The following DCST2 variants were observed in gnomAD, a reference collection of about 807,000 sequenced individuals.
The protein encoded by DCST2 is DC-STAMP domain-containing protein 2.
DCST2 carries 64 observed loss-of-function variants against 81.8 expected under a neutral mutation model. The observed-to-expected ratio is 0.78, with a 90% CI of 0.64 to 0.96. The LOEUF is 0.96. Ranked by LOEUF, DCST2 falls within the 40% of genes least tolerant of loss-of-function variation. DCST2 has a pLI of 0.00. For synonymous variants in DCST2, 354 were observed against 402.6 expected (o/e 0.88, Z 1.44); for missense variants, 945 against 1,001.4 (o/e 0.94, Z 0.76).
At chr1:155,031,055 T>G (rs2102344297) in intron 5 of DCST2, 114 bp downstream of exon 5, 1 of 1,163,342 alleles carries the variant, frequency 8.6e-7, no homozygotes, top group East Asian at 2.5e-5. Context: ...CCCCTTTCTT[T>G]CTCTTACATT....
chr1:155,021,267 C>T (rs934167896), intron 14 of DCST2, among the ~76,000 whole-genome samples: 2 of 152,066 alleles, frequency 1.3e-5, no homozygotes, highest in African/African-American at 4.8e-5. Context: ...TCCCAAAGTG[C>T]TGGGATTACA....
chr1:155,025,192 C>T lies in DCST2; in HGVS notation c.1612-590G>A, dbSNP rs114664094. ...AAAAGAAAGCTTGTCTGGCCTGCCT[C>T]GAATCTGTGAGCTCCAGACTGTGTC... On this transcript the variant is annotated intron_variant, in intron 10 of 14. Coordinates refer to ENST00000368424, the MANE Select transcript of DCST2 (RefSeq NM_144622.3). Among the ~76,000 whole-genome samples the T allele has an allele frequency of 6.2e-3, 937 of 151,730 alleles. 13 individuals carry two copies. Among genetic ancestry groups the T allele is most frequent in the African/African-American group, 0.021 (879 of 41,356 alleles).
intron 5 of DCST2, chr1:155,030,856 C>T (rs1660053939): frequency 1.6e-6 from 1 of 614,902 alleles, no homozygotes; most frequent in Non-Finnish European, 2.9e-6. Context: ...CAGCATGACA[C>T]AGGGCATGCA....
In DCST2 at chr1:155,030,067, G is replaced by A. The variant is rs1169835500; in HGVS notation, c.1177+17C>T. 1.9e-6 allele frequency: 3 copies of A among 1,612,134 alleles called. No homozygotes were observed. Among genetic ancestry groups the A allele is most frequent in the Non-Finnish European group, 2.5e-6 (3 of 1,179,740 alleles). On this transcript the variant is annotated intron_variant, in intron 7 of 14. Coordinates refer to ENST00000368424, the MANE Select transcript of DCST2 (RefSeq NM_144622.3). ...GGCCTCCCTGGCTTGGGCTCTCCCTGTCCTCAGGGCCCTCACCCGGTGGGA... is the reference window on the plus strand; with the variant it reads ...GGCCTCCCTGGCTTGGGCTCTCCCTATCCTCAGGGCCCTCACCCGGTGGGA...
chr1:155,022,134 T>C (rs1056119649), intron 14 of DCST2, among the ~76,000 whole-genome samples: 1 of 152,182 alleles, frequency 6.6e-6, no homozygotes, highest in Non-Finnish European at 1.5e-5. Context: ...CCCAAAGTTC[T>C]AGGATTACAG....
At chr1:155,030,718 G>A in intron 5 of DCST2, 73 bp from the exon 6 acceptor site, 5 of 1,525,430 alleles carry the variant, frequency 3.3e-6, no homozygotes, top group Non-Finnish European at 2.7e-6. Flanking sequence ...CTGGGGAGGG[G>A]CCTGGCACAG....
chr1:155,020,900 G>A (rs1426496043), intron 14 of DCST2, among the ~76,000 whole-genome samples: 2 of 151,714 alleles, frequency 1.3e-5, no homozygotes, highest in South Asian at 2.1e-4. Context: ...TTGGCTCACC[G>A]CAGTCTCAGC....
At position 155,018,771 on chromosome 1, in the gene DCST2, G is replaced by T; in HGVS notation, c.2106-11C>A. 1 of 1,611,022 alleles carries T rather than the reference G, an allele frequency of 6.2e-7. No individual in the cohort carries two copies. The highest frequency in any genetic ancestry group is 1.1e-5 in the South Asian group (1 of 90,924). On this transcript the variant is annotated splice_polypyrimidine_tract_variant and intron_variant, in intron 14 of 14. Transcript: ENST00000368424. ...TCCTCATCCAGGTCACTAGTGAGGA[G>T]AGGAAGGGGGTGGCCGGATCACCCA...
rs779621299 is a variant in DCST2 at position 155,027,554 on chromosome 1, C to CTTTTT, written c.1343-844_1343-840dup. Among the ~76,000 whole-genome samples, 275 of 63,996 alleles carry CTTTTT rather than the reference C, an allele frequency of 4.3e-3. 3 individuals are homozygous for CTTTTT. Among genetic ancestry groups the CTTTTT allele is most frequent in the African/African-American group, 0.017 (251 of 15,086 alleles). The allele number at this position is 63,996 out of a possible 152,430, so 42.0% of individuals were successfully genotyped here. A position where few individuals can be genotyped will look rare whatever the true frequency, so the allele number is the denominator to read the frequency against. On this transcript the variant is annotated intron_variant, in intron 8 of 14. Coordinates refer to ENST00000368424, the MANE Select transcript of DCST2 (RefSeq NM_144622.3). ...TTTGTTTTTTAGGAGTTTTTTACTT[C>CTTTTT]TTTTTTTTTTTTTTTTTTTTTTTTG...
intron 10 of DCST2, 53 bp from the exon 11 acceptor site, chr1:155,024,655 T>C (rs1203134541): frequency 1.3e-6 from 2 of 1,528,356 alleles, no homozygotes; most frequent in Non-Finnish European, 1.8e-6. Context: ...TTTGTCTGCC[T>C]GGAATGCCCT....
rs200036164 is a variant in DCST2 at position 155,033,625 on chromosome 1, C to T, written c.77G>A (p.Ser26Asn). ...CAAGCCCAGGGTAAAACCTCCCACG[C>T]TGCGAACCACAGCTCTCGCCATGCT... ...EPSMARAVVR[S>N]VGGFTLGLSL... is the part of the protein sequence containing the mutation. The change falls in exon 1 of 15, where the codon AGC becomes AAC. Residue 26 changes from serine to asparagine, a missense_variant. Ser to Asn is a conservative substitution (Grantham distance 46). Coordinates refer to ENST00000368424, the MANE Select transcript of DCST2 (RefSeq NM_144622.3). 6.2e-7 allele frequency: 1 copy of T among 1,614,224 alleles called. No homozygotes were observed. The highest frequency in any genetic ancestry group is 1.3e-5 in the African/African-American group (1 of 75,060).
intron 10 of DCST2, among the ~76,000 whole-genome samples, chr1:155,025,270 C>T (rs1659870051): frequency 6.6e-6 from 1 of 152,006 alleles, no homozygotes; most frequent in South Asian, 2.1e-4. Context: ...GAATACAGTA[C>T]ATGCTCAGTA....
rs10908453 is a variant in DCST2 at position 155,033,615 on chromosome 1, A to G, written c.87T>C (p.Gly29=). 0.4 allele frequency: 644,322 copies of G among 1,613,672 alleles called. 140,200 individuals carry two copies. Among genetic ancestry groups the G allele is most frequent in the East Asian group, 0.89 (39,905 of 44,866 alleles). Reference sequence around the variant, plus strand: ...TGGCTAAAGACAAGCCCAGGGTAAAACCTCCCACGCTGCGAACCACAGCTC... The same window carrying G: ...TGGCTAAAGACAAGCCCAGGGTAAAGCCTCCCACGCTGCGAACCACAGCTC... The part of the protein sequence containing the change: ...MARAVVRSVG[G]FTLGLSLATA... Residue 29 remains glycine (G), a synonymous_variant, in exon 1 of 15, where the codon GGT becomes GGC. Coordinates refer to ENST00000368424, the MANE Select transcript of DCST2 (RefSeq NM_144622.3).
At chr1:155,025,019 T>G (rs1394542779) in intron 10 of DCST2, among the ~76,000 whole-genome samples, 3 of 151,788 alleles carry the variant, frequency 2.0e-5, no homozygotes, top group African/African-American at 7.3e-5. Flanking sequence ...TGGTGGCGCA[T>G]GCCTGAAATC....
In DCST2 at chr1:155,031,247, G is replaced by A; in HGVS notation, c.740-13C>T. 1.3e-6 allele frequency: 2 copies of A among 1,563,498 alleles called. No homozygotes were observed. The highest frequency in any genetic ancestry group is 1.7e-6 in the Non-Finnish European group (2 of 1,154,132). On this transcript the variant is annotated splice_polypyrimidine_tract_variant and intron_variant, in intron 4 of 14. Transcript: ENST00000368424. ...AACACCTGGACCACTGAGGGGCGGA[G>A]TCGGCTGAGTGTCGGAAGGAGGGGC...
chr1:155,030,005 G>C, intron 7 of DCST2, 79 bp downstream of exon 7: 2 of 1,586,534 alleles, frequency 1.3e-6, no homozygotes, highest in Non-Finnish European at 1.7e-6. Flanking sequence ...CCTGTGCAGG[G>C]GCTTAGGGGC....
chr1:155,022,223 A>G lies in DCST2; in HGVS notation c.2105+894T>C, dbSNP rs562368992. On this transcript the variant is annotated intron_variant, in intron 14 of 14. Transcript: ENST00000368424. ...TATCACTTTCCAACCTAAGCTTTTC[A>G]AATGACAAGTTAAGGTTCTTGCCCA... Among the ~76,000 whole-genome samples the G allele has an allele frequency of 5.9e-5, 9 of 152,270 alleles. No individual in the cohort carries two copies. The East Asian group carries it at 1.2e-3, about 20-fold the overall frequency.
intron 5 of DCST2, 200 bp downstream of exon 5, chr1:155,030,968 TG>T: frequency 1.6e-6 from 1 of 638,582 alleles, no homozygotes; most frequent in Non-Finnish European, 2.7e-6. Flanking sequence ...GGGCAGGCTG[TG>T]GTGAGGCACT....
At chr1:155,024,013 C>T (rs1659827381) in intron 11 of DCST2, 54 bp from the exon 12 acceptor site, 1 of 1,581,480 alleles carries the variant, frequency 6.3e-7, no homozygotes, top group Non-Finnish European at 8.6e-7. Flanking sequence ...CTTAACCCTC[C>T]CCACTCCAGC....
Sources: gnomAD v4.1 joint callset for allele counts (sites outside exome capture counted in the v4.1 genomes callset) on GRCh38, gnomAD v4.1.1 for gene constraint, MANE v1.5 for transcripts, NCBI Gene and HGNC (gene_info 2026-07-23, HGNC 2026-07-21) for gene names.